SVOPL: variants seen among roughly 807,000 people sequenced by gnomAD.
The protein encoded by SVOPL is putative transporter SVOPL.
In SVOPL, 60 loss-of-function variants were observed where a neutral mutation model predicts 61.0. The observed-to-expected ratio is 0.98, with a 90% CI of 0.80 to 1.22. SVOPL has a LOEUF of 1.22. SVOPL is among the 50% of genes most tolerant of loss of function. The pLI is 0.00. For synonymous variants in SVOPL, 279 were observed against 250.0 expected (o/e 1.12, Z -1.09); for missense variants, 662 against 643.9 (o/e 1.03, Z -0.30).
At chr7:138,622,166 G>C (rs796923273) in intron 13 of SVOPL, among the ~76,000 whole-genome samples, 29 of 35,118 alleles carry the variant, frequency 8.3e-4, no homozygotes, top group East Asian at 1.5e-3. Context: ...ATCTGTCTAT[G>C]TATCTATCTG....
chr7:138,639,294 CA>C (rs746292975), intron 9 of SVOPL, among the ~76,000 whole-genome samples: 1 of 151,046 alleles, frequency 6.6e-6, no homozygotes, highest in African/African-American at 2.4e-5. Context: ...GAAAGAAGCC[CA>C]CATATGCCAG....
chr7:138,657,024 G>A (rs997273066), intron 6 of SVOPL, among the ~76,000 whole-genome samples: 1 of 148,508 alleles, frequency 6.7e-6, no homozygotes, highest in Non-Finnish European at 1.5e-5. Flanking sequence ...CAACAAGAGC[G>A]AAACTCCATG....
chr7:138,614,131 G>C (rs1336817323), intron 14 of SVOPL, among the ~76,000 whole-genome samples: 2 of 152,124 alleles, frequency 1.3e-5, no homozygotes, highest in Non-Finnish European at 2.9e-5. Flanking sequence ...GTCTCTTTTG[G>C]TGCTCTAACT....
chr7:138,612,371 G>A (rs1270900175), intron 14 of SVOPL, among the ~76,000 whole-genome samples: 1 of 6,734 alleles, frequency 1.5e-4, no homozygotes, highest in African/African-American at 2.9e-4. Flanking sequence ...CCCTCTGTGA[G>A]AAACACCCAA....
At chr7:138,601,271 A>C (rs71541398) in intron 14 of SVOPL, among the ~76,000 whole-genome samples, 3 of 146,668 alleles carry the variant, frequency 2.0e-5, no homozygotes, top group Non-Finnish European at 3.0e-5. Context: ...AAAAAAAAAG[A>C]AAAGAAAATC....
chr7:138,675,241 AAAG>A (rs1309355011), intron 3 of SVOPL, among the ~76,000 whole-genome samples: 1 of 150,160 alleles, frequency 6.7e-6, no homozygotes, highest in Non-Finnish European at 1.5e-5. Flanking sequence ...TCTCAAAAAA[AAAG>A]AAAAAAGAAA....
intron 1 of SVOPL, 101 bp from the exon 2 acceptor site, chr7:138,679,180 C>A: frequency 1.3e-6 from 1 of 768,902 alleles, no homozygotes; most frequent in South Asian, 1.9e-5. Flanking sequence ...GAAGCCCTCA[C>A]AAAAATCGAA....
At chr7:138,640,410 T>C (rs1051288328) in intron 9 of SVOPL, among the ~76,000 whole-genome samples, 1 of 152,068 alleles carries the variant, frequency 6.6e-6, no homozygotes, top group Non-Finnish European at 1.5e-5. Flanking sequence ...TTTATATTTT[T>C]ACTAGAGTCA....
chr7:138,609,911 T>C (rs1399058037), intron 14 of SVOPL, among the ~76,000 whole-genome samples: 1 of 152,082 alleles, frequency 6.6e-6, no homozygotes, highest in Admixed American at 6.6e-5. Flanking sequence ...TTTTGTTTAG[T>C]AGAGACGGGG....
At chr7:138,625,611 G>A (rs1799856247) in intron 13 of SVOPL, among the ~76,000 whole-genome samples, 1 of 152,196 alleles carries the variant, frequency 6.6e-6, no homozygotes, top group Non-Finnish European at 1.5e-5. Flanking sequence ...TCTTCCAAAA[G>A]AGTAAAAGTG....
chr7:138,652,058 C>G (rs1055824228), intron 7 of SVOPL, among the ~76,000 whole-genome samples: 2 of 151,816 alleles, frequency 1.3e-5, no homozygotes, highest in Non-Finnish European at 1.5e-5. Flanking sequence ...TGCCACCACA[C>G]CCAGCCAATT....
intron 7 of SVOPL, among the ~76,000 whole-genome samples, chr7:138,654,836 T>G (rs567667583): frequency 1.3e-5 from 2 of 150,272 alleles, no homozygotes; most frequent in East Asian, 3.9e-4. Context: ...CACAACATAG[T>G]GAGACCACAT....
intron 9 of SVOPL, among the ~76,000 whole-genome samples, chr7:138,634,659 A>G (rs1800381299): frequency 6.6e-6 from 1 of 151,480 alleles, no homozygotes; most frequent in African/African-American, 2.4e-5. Flanking sequence ...TAAAAAATCA[A>G]GTAAATAAAA....
chr7:138,606,986 A>G (rs1798786727), intron 14 of SVOPL, among the ~76,000 whole-genome samples: 2 of 150,948 alleles, frequency 1.3e-5, no homozygotes, highest in Admixed American at 6.6e-5. Flanking sequence ...AAAGAATTCT[A>G]TGGAGGACTT....
At chr7:138,687,216 T>C (rs1802836117) in intron 1 of SVOPL, among the ~76,000 whole-genome samples, 1 of 149,560 alleles carries the variant, frequency 6.7e-6, no homozygotes, top group South Asian at 2.1e-4. Flanking sequence ...CTCTTTTTTT[T>C]CCTTTTTTCC....
chr7:138,678,840 G>T, intron 2 of SVOPL, 124 bp downstream of exon 2: 1 of 995,344 alleles, frequency 1.0e-6, no homozygotes, highest in Non-Finnish European at 1.5e-6. Context: ...AAAGTGATGG[G>T]ATTACAGGTG....
At chr7:138,668,591 C>A (rs1802334061) in intron 4 of SVOPL, among the ~76,000 whole-genome samples, 1 of 152,146 alleles carries the variant, frequency 6.6e-6, no homozygotes, top group African/African-American at 2.4e-5. Context: ...CTCCAAGACA[C>A]AGAAAGAAAC....
intron 1 of SVOPL, among the ~76,000 whole-genome samples, chr7:138,681,577 A>G (rs1802701728): frequency 6.6e-6 from 1 of 152,112 alleles, no homozygotes; most frequent in African/African-American, 2.4e-5. Flanking sequence ...TAATCCCAGC[A>G]TTTTGGGAGG....
At chr7:138,630,230 G>A in intron 9 of SVOPL, 108 bp from the exon 10 acceptor site, 1 of 899,372 alleles carries the variant, frequency 1.1e-6, no homozygotes. Flanking sequence ...GAGCATGGTG[G>A]CCTGCGATAA....
Sources: gnomAD v4.1 joint callset for allele counts (sites outside exome capture counted in the v4.1 genomes callset) on GRCh38, gnomAD v4.1.1 for gene constraint, MANE v1.5 for transcripts, NCBI Gene and HGNC (gene_info 2026-07-23, HGNC 2026-07-21) for gene names.